Variants in TRIM33 observed in about 807,000 individuals in gnomAD.
TRIM33 encodes E3 ubiquitin-protein ligase TRIM33.
TRIM33 carries 20 observed loss-of-function variants against 125.4 expected under a neutral mutation model. The observed-to-expected ratio is 0.16, with a 90% confidence interval of 0.11 to 0.23. The LOEUF (loss-of-function observed/expected upper bound fraction) is 0.23. Ranked by LOEUF, TRIM33 falls within the 10% of genes least tolerant of loss-of-function variation. The probability of loss-of-function intolerance (pLI) is 1.00; values close to 1 mark genes in which losing one functional copy is unlikely to be tolerated. For synonymous variants in TRIM33, 564 were observed against 513.9 expected, an observed-to-expected ratio of 1.10 and a Z score of -1.32; for missense variants, 920 against 1,411.4, an observed-to-expected ratio of 0.65 and a Z score of 5.58.
intron 1 of TRIM33, among the ~76,000 whole-genome samples, chr1:114,469,473 T>TTC (rs924338987): frequency 6.6e-6 from 1 of 152,226 alleles, no homozygotes; most frequent in Non-Finnish European, 1.5e-5. Context: ...TCATGGCCTC[T>TTC]TCTCTCTCTG....
rs1651459463 is a variant in TRIM33, at chr1:114,394,857, A to G, written c.*2791T>C. ...ACAGACTGAGCAACACTTTGTTCTT[A>G]GTTTTCTGATGGAAGAAGTAAATTG... On this transcript the variant is annotated 3_prime_UTR_variant, in exon 20 of 20. Coordinates refer to ENST00000358465, the MANE Select transcript of TRIM33 (RefSeq NM_015906.4). The G allele has an allele frequency of 1.0e-5, 2 of 193,968 alleles. No individual in the cohort carries two copies. The highest frequency in any genetic ancestry group is 3.8e-4 in the South Asian group (2 of 5,222). The allele number at this position is 193,968 out of a possible 1,614,324, so 12.0% of individuals were successfully genotyped here.
At chr1:114,424,551 T>TAA in intron 10 of TRIM33, 40 bp downstream of exon 10, 1 of 1,465,256 alleles carries the variant, frequency 6.8e-7, no homozygotes, top group Non-Finnish European at 9.1e-7. Context: ...CTTTTAATTT[T>TAA]AAAATTGTAG....
In TRIM33 at chr1:114,397,634, A is replaced by C; in HGVS notation, c.*14T>G. The stretch of plus-strand genomic sequence containing the variant: ...TTTTTTTTTTTTAAACAATTGATTT[A>C]AATCCATGTCATTTTACTTTATATG... On this transcript the variant is annotated 3_prime_UTR_variant, in exon 20 of 20. Transcript: ENST00000358465. 1.3e-6 allele frequency: 1 copy of C among 751,886 alleles called. No homozygotes were observed. The highest frequency in any genetic ancestry group is 1.8e-6 in the Non-Finnish European group (1 of 541,728). The allele number at this position is 751,886 out of a possible 1,614,324, so 46.6% of individuals were successfully genotyped here. A position where few individuals can be genotyped will look rare whatever the true frequency, so the allele number is the denominator to read the frequency against.
chr1:114,481,584 C>T (rs1459356614), intron 1 of TRIM33, among the ~76,000 whole-genome samples: 1 of 148,672 alleles, frequency 6.7e-6, no homozygotes, highest in Non-Finnish European at 1.5e-5. Context: ...GAGTGAGACA[C>T]TGTCCGAAAA....
At chr1:114,506,602 A>C (rs751696260) in intron 1 of TRIM33, among the ~76,000 whole-genome samples, 15 of 152,072 alleles carry the variant, frequency 9.9e-5, no homozygotes, top group Non-Finnish European at 1.8e-4. Context: ...TCTTGGCCTC[A>C]AGTTATCCTC....
intron 4 of TRIM33, among the ~76,000 whole-genome samples, chr1:114,462,369 A>G (rs1032862121): frequency 6.6e-6 from 1 of 152,220 alleles, no homozygotes; most frequent in African/African-American, 2.4e-5. Context: ...GGTTAACCCA[A>G]GTTCTCTTAT....
chr1:114,480,340 T>TC (rs1651240660), intron 1 of TRIM33, among the ~76,000 whole-genome samples: 1 of 152,062 alleles, frequency 6.6e-6, no homozygotes, highest in Admixed American at 6.6e-5. Flanking sequence ...CACAAACACT[T>TC]CGGAAGGCCG....
At chr1:114,443,844 G>A (rs1394099225) in intron 4 of TRIM33, among the ~76,000 whole-genome samples, 2 of 151,536 alleles carry the variant, frequency 1.3e-5, no homozygotes, top group Non-Finnish European at 2.9e-5. Flanking sequence ...ACCAGCCTGG[G>A]CAACACAGTG....
intron 18 of TRIM33, 24 bp downstream of exon 18, chr1:114,399,433 T>G: frequency 1.2e-6 from 2 of 1,603,886 alleles, no homozygotes; most frequent in East Asian, 2.2e-5. Flanking sequence ...AAATCAAGAC[T>G]CTATAGGTTG....
At chr1:114,499,716 T>TAA (rs1284664966) in intron 1 of TRIM33, among the ~76,000 whole-genome samples, 7 of 152,158 alleles carry the variant, frequency 4.6e-5, no homozygotes, top group Non-Finnish European at 1.5e-5. Context: ...CATAAAGCCC[T>TAA]AGTGAACAGG....
At chr1:114,491,605 C>T (rs1652069364) in intron 1 of TRIM33, among the ~76,000 whole-genome samples, 1 of 152,078 alleles carries the variant, frequency 6.6e-6, no homozygotes, top group South Asian at 2.1e-4. Flanking sequence ...GAGTTCAAGA[C>T]CAGCCTGGGC....
intron 4 of TRIM33, among the ~76,000 whole-genome samples, chr1:114,433,979 G>C (rs889738269): frequency 3.3e-5 from 5 of 152,160 alleles, no homozygotes; most frequent in African/African-American, 1.2e-4. Context: ...TCTTATATTA[G>C]AGTGTTGATT....
rs1553204104 is a variant in TRIM33, at chr1:114,397,606, C to CTT, written c.*41_*42insAA. 4.5e-4 allele frequency: 131 copies of CTT among 291,380 alleles called. 1 individual carries two copies. Among genetic ancestry groups the CTT allele is most frequent in the South Asian group, 2.2e-3 (29 of 13,380 alleles). 18.0% of individuals were successfully genotyped at this position (291,380 alleles called of 1,614,324 possible). On this transcript the variant is annotated 3_prime_UTR_variant, in exon 20 of 20. Transcript: ENST00000358465. ...TTTTTTGTGTTTTTTTTTTTTTTTT[C>CTT]GTTTTTTTTTTTTTAAACAATTGAT...
intron 1 of TRIM33, among the ~76,000 whole-genome samples, chr1:114,507,454 T>C (rs1476562484): frequency 6.6e-6 from 1 of 152,214 alleles, no homozygotes; most frequent in East Asian, 1.9e-4. Flanking sequence ...ATACTCATCA[T>C]TGTTTCAAAA....
intron 7 of TRIM33, 93 bp downstream of exon 7, chr1:114,427,655 A>G: frequency 7.3e-7 from 1 of 1,362,872 alleles, no homozygotes; most frequent in Non-Finnish European, 9.9e-7. Context: ...ACATTTGCCA[A>G]AATTAAAATG....
At chr1:114,399,209 T>G (rs894296042) in intron 18 of TRIM33, among the ~76,000 whole-genome samples, 2 of 152,104 alleles carry the variant, frequency 1.3e-5, no homozygotes, top group African/African-American at 4.8e-5. Flanking sequence ...TCCATACTTA[T>G]GCCAATCCTC....
intron 4 of TRIM33, 62 bp downstream of exon 4, chr1:114,463,042 G>A: frequency 1.5e-6 from 2 of 1,324,528 alleles, no homozygotes; most frequent in Admixed American, 2.6e-5. Flanking sequence ...GCTTTAAGAA[G>A]AAGAATGACT....
At chr1:114,439,537 C>CA (rs71090776) in intron 4 of TRIM33, among the ~76,000 whole-genome samples, 29,355 of 125,354 alleles carry the variant, frequency 0.23, 3,161 homozygotes, top group Non-Finnish European at 0.25. Flanking sequence ...AGCCCTCCAT[C>CA]AAAAAAAAAA....
intron 11 of TRIM33, among the ~76,000 whole-genome samples, chr1:114,413,366 C>T (rs895037422): frequency 3.3e-5 from 5 of 151,828 alleles, no homozygotes; most frequent in Non-Finnish European, 7.4e-5. Context: ...GGAGACCAGC[C>T]TGACCAACAT....
Sources: allele counts gnomAD v4.1 joint callset (sites outside exome capture counted in the v4.1 genomes callset), GRCh38; gene constraint gnomAD v4.1.1; transcripts MANE v1.5; gene names NCBI Gene and HGNC (gene_info 2026-07-23, HGNC 2026-07-21).